Variants in KL observed in about 807,000 individuals in gnomAD.
KL encodes the protein klotho, also known as alpha-klotho.
KL carries 62 observed loss-of-function variants against 84.2 expected under a neutral mutation model. The ratio of observed to expected loss-of-function variants is 0.74; its 90% CI spans 0.60 to 0.91. The LOEUF is 0.91. Among genes scored for constraint, KL ranks in the 40% least tolerant of loss-of-function variants. The pLI, the probability that KL is intolerant of heterozygous loss-of-function variation, is 0.00. For missense variants in KL, 1,261 were observed against 1,305.7 expected, an observed-to-expected ratio of 0.97 and a Z score of 0.53; for synonymous variants, 528 against 528.0, an observed-to-expected ratio of 1.00 and a Z score of 0.00.
intron 3 of KL, 116 bp from the exon 4 acceptor site, chr13:33,060,563 G>T (rs1175179634): frequency 8.7e-7 from 1 of 1,146,536 alleles, no homozygotes; most frequent in African/African-American, 1.5e-5. Flanking sequence ...CACATTCTCA[G>T]CTAGAAAGGC....
chr13:33,057,847 T>G (rs1001287955), intron 3 of KL, among the ~76,000 whole-genome samples: 2 of 152,234 alleles, frequency 1.3e-5, no homozygotes, highest in Non-Finnish European at 2.9e-5. Context: ...GGTGTGTGTG[T>G]TTTCACTTAC....
At chr13:33,024,433 T>C (rs1386149241) in intron 1 of KL, among the ~76,000 whole-genome samples, 1 of 152,214 alleles carries the variant, frequency 6.6e-6, no homozygotes, top group Non-Finnish European at 1.5e-5. Context: ...GGGACCTGCC[T>C]CTGTCTCATC....
rs71071071 is a variant in KL at position 33,044,640 on chromosome 13, C to CTTTTTTTTTT, written c.820-9108_820-9099dup. ...TTCATATATAAATGCAATTGATTTTCTTTTTTTTTTTTTTTTTTTTTTTTT... is the reference window on the plus strand; with the variant it reads ...TTCATATATAAATGCAATTGATTTTCTTTTTTTTTTTTTTTTTTTTTTTTTTTTTTTTTTT... On this transcript the variant is annotated intron_variant, in intron 1 of 4. Coordinates refer to ENST00000380099, the MANE Select transcript of KL (RefSeq NM_004795.4). Among the ~76,000 whole-genome samples, 148 of 52,750 alleles carry CTTTTTTTTTT rather than the reference C, an allele frequency of 2.8e-3. 46 individuals carry two copies. The highest frequency in any genetic ancestry group is 6.6e-3 in the Admixed American group (20 of 3,010). The allele number at this position is 52,750 out of a possible 152,430, so 34.6% of individuals were successfully genotyped here. A position where few individuals can be genotyped will look rare whatever the true frequency, so the allele number is the denominator to read the frequency against.
intron 1 of KL, among the ~76,000 whole-genome samples, chr13:33,021,225 C>T (rs992663426): frequency 2.0e-5 from 3 of 152,104 alleles, no homozygotes; most frequent in Admixed American, 6.6e-5. Flanking sequence ...AGCCACTTTC[C>T]AATGGAACAG....
intron 1 of KL, among the ~76,000 whole-genome samples, chr13:33,040,109 T>G (rs1403024886): frequency 6.6e-6 from 1 of 152,192 alleles, no homozygotes; most frequent in African/African-American, 2.4e-5. Flanking sequence ...TACTGGCTAT[T>G]TTTTGTGGAT....
intron 1 of KL, among the ~76,000 whole-genome samples, chr13:33,030,337 G>A (rs1322958290): frequency 1.3e-5 from 2 of 152,060 alleles, no homozygotes; most frequent in Non-Finnish European, 2.9e-5. Context: ...TTTATTCTAG[G>A]AATCCATGTT....
rs1012347845 is a variant in KL at position 33,054,426 on chromosome 13, C to G, written c.1330+149C>G. ...AATAGTAGAATGCATTCATTTAACA[C>G]CTTTCTCATTTGGAGTCTTGAGGAA... On this transcript the variant is annotated intron_variant, in intron 2 of 4. Transcript: ENST00000380099. 2.9e-5 allele frequency: 23 copies of G among 789,314 alleles called. No individual in the cohort carries two copies. In the African/African-American group the frequency reaches 3.7e-4, roughly 13 times the overall value. The allele number at this position is 789,314 out of a possible 1,614,324, so 48.9% of individuals were successfully genotyped here.
Position 33,035,897 on chromosome 13 carries a change from A to G in KL, c.820-17870A>G, listed in dbSNP as rs1167306347. Among the ~76,000 whole-genome samples, 4 of 152,228 alleles carry G rather than the reference A, an allele frequency of 2.6e-5. No individual in the cohort carries two copies. In the East Asian group the frequency reaches 7.7e-4, roughly 29 times the overall value. On this transcript the variant is annotated intron_variant, in intron 1 of 4. Coordinates refer to ENST00000380099, the MANE Select transcript of KL (RefSeq NM_004795.4). The stretch of plus-strand genomic sequence containing the variant: ...AAGCAAGAAGCTCAATCTCTGATTT[A>G]TTGATGTATTTACCCAGTGTAAGTT...
At position 33,064,448 on chromosome 13, in the gene KL, A is replaced by T. The variant is rs1184809374; in HGVS notation, c.*262A>T. The stretch of plus-strand genomic sequence containing the variant: ...ACTATAATTTCTGTAACACACTAAC[A>T]AAAGCATGAAAAATAGGAACCACAC... On this transcript the variant is annotated 3_prime_UTR_variant, in exon 5 of 5. Transcript: ENST00000380099. 12 of 361,036 alleles carry T rather than the reference A, an allele frequency of 3.3e-5. No homozygotes were observed. The allele number at this position is 361,036 out of a possible 1,614,324, so 22.4% of individuals were successfully genotyped here.
At chr13:33,056,442 G>A (rs190387419) in intron 3 of KL, among the ~76,000 whole-genome samples, 95 of 152,094 alleles carry the variant, frequency 6.2e-4, no homozygotes, top group Middle Eastern at 6.8e-3. Context: ...TTGCTGGTTG[G>A]GATTATTCTT....
chr13:33,060,782 G>A lies in KL; in HGVS notation c.1703G>A (p.Arg568Lys), dbSNP rs991174207. ...IKVDGVVTKK[R>K]KSYCVDFAAI... ...GTGGATGGGGTTGTGACCAAGAAGA[G>A]GAAATCCTACTGTGTTGACTTTGCT... Residue 568 changes from arginine (R) to lysine (K), a missense_variant, in exon 4 of 5, where the codon AGG (arginine) becomes AAG (lysine). By Grantham distance (26) the Arg-to-Lys change is conservative (BLOSUM62 2). Coordinates refer to ENST00000380099, the MANE Select transcript of KL (RefSeq NM_004795.4). 1 of 1,614,226 alleles carries A rather than the reference G, an allele frequency of 6.2e-7. No homozygotes were observed. The highest frequency in any genetic ancestry group is 8.5e-7 in the Non-Finnish European group (1 of 1,180,052).
intron 3 of KL, among the ~76,000 whole-genome samples, chr13:33,058,620 G>A (rs191244274): frequency 2.0e-5 from 3 of 152,110 alleles, no homozygotes; most frequent in Non-Finnish European, 4.4e-5. Context: ...GATTACAGGC[G>A]TGAGCCACCA....
chr13:33,033,882 T>C (rs1439923383), intron 1 of KL, among the ~76,000 whole-genome samples: 8 of 152,000 alleles, frequency 5.3e-5, no homozygotes, highest in Non-Finnish European at 1.5e-5. Context: ...AATAAGATCA[T>C]TTTTTTAAAA....
chr13:33,038,674 A>AT (rs1027234192), intron 1 of KL, among the ~76,000 whole-genome samples: 2 of 152,196 alleles, frequency 1.3e-5, no homozygotes, highest in East Asian at 1.9e-4. Context: ...TTTCTAACAA[A>AT]TTTTTTCAGA....
At chr13:33,027,223 T>C (rs1261023361) in intron 1 of KL, among the ~76,000 whole-genome samples, 1 of 152,150 alleles carries the variant, frequency 6.6e-6, no homozygotes, top group Non-Finnish European at 1.5e-5. Flanking sequence ...GGCCCAGCTG[T>C]CTCCAGGTGG....
At chr13:33,035,001 A>T (rs1358810426) in intron 1 of KL, among the ~76,000 whole-genome samples, 3 of 152,232 alleles carry the variant, frequency 2.0e-5, no homozygotes, top group Non-Finnish European at 4.4e-5. Context: ...GAGGCTACTC[A>T]TAGGTTGATT....
intron 1 of KL, among the ~76,000 whole-genome samples, chr13:33,051,199 A>G (rs769207598): frequency 2.0e-5 from 3 of 152,154 alleles, no homozygotes; most frequent in Non-Finnish European, 1.5e-5. Flanking sequence ...GGCACAGGAA[A>G]GTTAGATTTA....
chr13:33,048,064 T>C (rs1871603057), intron 1 of KL, among the ~76,000 whole-genome samples: 1 of 152,216 alleles, frequency 6.6e-6, no homozygotes, highest in South Asian at 2.1e-4. Context: ...TAATAGCTAT[T>C]TTAAAGTCCT....
chr13:33,057,732 T>TG (rs1028948473), intron 3 of KL, among the ~76,000 whole-genome samples: 11 of 152,244 alleles, frequency 7.2e-5, no homozygotes, highest in African/African-American at 2.7e-4. Flanking sequence ...TTTCTTCTTC[T>TG]GGTTTTCACC....
Sources: gnomAD v4.1 joint callset for allele counts (sites outside exome capture counted in the v4.1 genomes callset) on GRCh38, gnomAD v4.1.1 for gene constraint, MANE v1.5 for transcripts, NCBI Gene and HGNC (gene_info 2026-07-23, HGNC 2026-07-21) for gene names.